FER: variants seen among roughly 807,000 people sequenced by gnomAD.
The protein encoded by FER is tyrosine-protein kinase Fer.
A neutral mutation model predicts 111.0 loss-of-function variants in FER; 63 were observed. That is an observed-to-expected ratio of 0.57 (90% CI 0.46 to 0.70). The LOEUF (loss-of-function observed/expected upper bound fraction) is 0.70, where lower values mean the gene tolerates loss of function less well. Ranked by LOEUF, FER falls within the 30% of genes least tolerant of loss-of-function variation. FER has a pLI of 0.00. For synonymous variants in FER, 327 were observed against 313.9 expected (o/e 1.04, Z -0.44); for missense variants, 914 against 954.0 (o/e 0.96, Z 0.55).
Position 108,935,671 on chromosome 5 carries a change from G to A in FER, c.1237-10459G>A, listed in dbSNP as rs867543580. Reference sequence around the variant, plus strand: ...GAAATCTTTAACTTGAGAGAAGCTGGTTCTTTCTGCCCTTTTATTCAAGTA... The same window carrying A: ...GAAATCTTTAACTTGAGAGAAGCTGATTCTTTCTGCCCTTTTATTCAAGTA... On this transcript the variant is annotated intron_variant, in intron 10 of 19. Transcript: ENST00000281092. Among the ~76,000 whole-genome samples the A allele has an allele frequency of 7.9e-5, 12 of 151,912 alleles. No homozygotes were observed. The South Asian group carries it at 2.5e-3, about 31-fold the overall frequency.
chr5:109,132,447 A>G (rs1487420770), intron 17 of FER, among the ~76,000 whole-genome samples: 2 of 152,144 alleles, frequency 1.3e-5, no homozygotes, highest in African/African-American at 4.8e-5. Flanking sequence ...TAGTCTTTCT[A>G]GTGAAATTTA....
At chr5:109,114,190 G>A (rs888358230) in intron 17 of FER, among the ~76,000 whole-genome samples, 9 of 151,984 alleles carry the variant, frequency 5.9e-5, no homozygotes, top group African/African-American at 2.2e-4. Context: ...TCATTTATAA[G>A]CCATGTCTTT....
At chr5:109,013,377 A>G (rs1050573183) in intron 13 of FER, among the ~76,000 whole-genome samples, 5 of 151,132 alleles carry the variant, frequency 3.3e-5, no homozygotes, top group South Asian at 2.1e-4. Context: ...ATGATTTCCA[A>G]TTTCATCCAT....
At chr5:108,947,958 G>A (rs540834864) in intron 11 of FER, among the ~76,000 whole-genome samples, 3 of 152,056 alleles carry the variant, frequency 2.0e-5, no homozygotes, top group African/African-American at 7.2e-5. Flanking sequence ...CTGAGCTCAA[G>A]TGATCCTCCC....
At chr5:109,100,138 T>C (rs1355050016) in intron 16 of FER, among the ~76,000 whole-genome samples, 1 of 151,780 alleles carries the variant, frequency 6.6e-6, no homozygotes, top group Non-Finnish European at 1.5e-5. Flanking sequence ...TTGTATATTA[T>C]TATGACCTGG....
intron 13 of FER, among the ~76,000 whole-genome samples, chr5:108,997,285 G>T (rs752275812): frequency 1.1e-4 from 17 of 151,354 alleles, no homozygotes; most frequent in South Asian, 2.1e-4. Flanking sequence ...GGGCTTGGTG[G>T]TGGGCGCCTG....
At chr5:108,882,476 A>G (rs774337897) in intron 8 of FER, among the ~76,000 whole-genome samples, 6 of 151,606 alleles carry the variant, frequency 4.0e-5, no homozygotes, top group Non-Finnish European at 8.8e-5. Flanking sequence ...ATGCTTATTG[A>G]TCATTTAATT....
At chr5:108,940,117 C>T (rs1326474554) in intron 10 of FER, among the ~76,000 whole-genome samples, 1 of 152,004 alleles carries the variant, frequency 6.6e-6, no homozygotes, top group Non-Finnish European at 1.5e-5. Context: ...ACACATCAAA[C>T]TTTTGAGACA....
At chr5:108,785,655 G>A (rs2113001) in intron 2 of FER, 72,700 of 332,856 alleles carry the variant, frequency 0.22, 8,574 homozygotes, top group African/African-American at 0.32. Flanking sequence ...TCCCCTGGCT[G>A]TTTGTTTTTG....
chr5:109,139,716 A>T (rs945200366), intron 17 of FER, among the ~76,000 whole-genome samples: 1 of 152,070 alleles, frequency 6.6e-6, no homozygotes. Flanking sequence ...ATGATGTGTT[A>T]ATATGGGAAC....
At chr5:108,865,776 G>T (rs1265595666) in intron 5 of FER, among the ~76,000 whole-genome samples, 1 of 152,076 alleles carries the variant, frequency 6.6e-6, no homozygotes, top group Non-Finnish European at 1.5e-5. Context: ...GTGGGCGAAG[G>T]ATATGAACAG....
intron 16 of FER, among the ~76,000 whole-genome samples, chr5:109,076,282 G>A (rs1243953308): frequency 6.6e-6 from 1 of 152,024 alleles, no homozygotes; most frequent in Non-Finnish European, 1.5e-5. Context: ...CTAATATTAG[G>A]CTAAAAGAAA....
chr5:109,020,706 A>G (rs535021148), intron 13 of FER, among the ~76,000 whole-genome samples: 3 of 152,178 alleles, frequency 2.0e-5, no homozygotes, highest in African/African-American at 7.2e-5. Context: ...GCTTTGCCTT[A>G]TGACTTTGTT....
chr5:108,932,994 C>T (rs1581261709), intron 10 of FER, among the ~76,000 whole-genome samples: 1 of 151,584 alleles, frequency 6.6e-6, no homozygotes, highest in African/African-American at 2.4e-5. Flanking sequence ...TGGATATTAG[C>T]CCTTTGTCAG....
At chr5:108,820,670 C>T (rs1758742375) in intron 3 of FER, 1 of 327,856 alleles carries the variant, frequency 3.1e-6, no homozygotes, top group Non-Finnish European at 4.4e-6. Context: ...TGCAGCTCAG[C>T]ATCTTTGGTA....
intron 4 of FER, 58 bp from the exon 5 acceptor site, chr5:108,835,650 C>A: frequency 1.7e-6 from 2 of 1,148,520 alleles, no homozygotes; most frequent in East Asian, 2.5e-5. Flanking sequence ...AATTTAAGTT[C>A]TTGAGCAATT....
intron 3 of FER, among the ~76,000 whole-genome samples, chr5:108,805,877 T>G (rs1172830819): frequency 6.6e-6 from 1 of 152,046 alleles, no homozygotes; most frequent in African/African-American, 2.4e-5. Context: ...AGCCTGAAAA[T>G]GTGATAGAAA....
chr5:108,816,154 A>G (rs1758252875), intron 3 of FER, among the ~76,000 whole-genome samples: 1 of 152,126 alleles, frequency 6.6e-6, no homozygotes, highest in Non-Finnish European at 1.5e-5. Context: ...TTCCCACACA[A>G]TTGACATATT....
At chr5:108,997,096 G>A (rs1764086794) in intron 13 of FER, among the ~76,000 whole-genome samples, 3 of 152,018 alleles carry the variant, frequency 2.0e-5, no homozygotes, top group African/African-American at 7.3e-5. Context: ...TGTGAAATTT[G>A]CACATTGATT....
Sources: allele counts gnomAD v4.1 joint callset (sites outside exome capture counted in the v4.1 genomes callset), GRCh38; gene constraint gnomAD v4.1.1; transcripts MANE v1.5; gene names NCBI Gene and HGNC (gene_info 2026-07-23, HGNC 2026-07-21).